Variants in ZNF655 observed in about 807,000 individuals in gnomAD.
ZNF655 encodes the protein zinc finger protein 655.
Under a neutral mutation model 6.6 loss-of-function variants are expected in ZNF655, and 3 were observed. That is an observed-to-expected ratio of 0.46 (90% CI 0.21 to 1.18). The LOEUF (loss-of-function observed/expected upper bound fraction) is 1.18. Ranked by LOEUF, ZNF655 falls within the 50% of genes most tolerant of loss-of-function variation. ZNF655 has a pLI of 0.24. For missense variants in ZNF655, 526 were observed against 572.3 expected, an observed-to-expected ratio of 0.92 and a Z score of 0.83; for synonymous variants, 178 against 195.0, an observed-to-expected ratio of 0.91 and a Z score of 0.73.
chr7:99,563,933 G>A (rs1291453651), intron 2 of ZNF655: 3 of 1,613,608 alleles, frequency 1.9e-6, no homozygotes, highest in Non-Finnish European at 2.5e-6. Context: ...GTCATACCCA[G>A]GCAAGTGCTT....
intron 2 of ZNF655, chr7:99,563,899 G>C: frequency 6.2e-7 from 1 of 1,613,100 alleles, no homozygotes; most frequent in Non-Finnish European, 8.5e-7. Context: ...CGGATTCATA[G>C]TGTGAATTCC....
chr7:99,560,912 C>T (rs565945165), intron 2 of ZNF655: 8 of 424,160 alleles, frequency 1.9e-5, no homozygotes, highest in South Asian at 1.2e-4. Flanking sequence ...AGAGTGATGG[C>T]TGCTTACTCG....
intron 2 of ZNF655, chr7:99,571,275 A>G: frequency 7.8e-7 from 1 of 1,289,546 alleles, no homozygotes; most frequent in African/African-American, 1.5e-5. Flanking sequence ...CTAACCATGC[A>G]GCAGGTGCTT....
At position 99,572,319 on chromosome 7, in the gene ZNF655, G is replaced by A; in HGVS notation, c.211G>A (p.Val71Met). 1.2e-6 allele frequency: 2 copies of A among 1,613,432 alleles called. No homozygotes were observed. The highest frequency in any genetic ancestry group is 1.7e-6 in the Non-Finnish European group (2 of 1,179,904). The change falls in exon 3 of 3, where the codon GTG (valine) becomes ATG (methionine). Residue 71 changes from valine to methionine, a missense_variant. Transcript: ENST00000252713. ...KISEEVHSYK[V>M]RVGRLKHDIT... ...TTCGGAAGAAGTGCATTCATACAAA[G>A]TGAGAGTAGGAAGACTCAAACACGA... is the stretch of plus-strand genomic sequence containing the variant.
chr7:99,564,845 C>T (rs1167527771), intron 2 of ZNF655: 3 of 324,620 alleles, frequency 9.2e-6, no homozygotes, highest in Non-Finnish European at 1.3e-5. Flanking sequence ...CATGCATACA[C>T]ACTTTTACAC....
chr7:99,564,839 C>A, intron 2 of ZNF655: 1 of 374,462 alleles, frequency 2.7e-6, no homozygotes, highest in Non-Finnish European at 3.7e-6. Flanking sequence ...AGTCGACATG[C>A]ATACACACTT....
At chr7:99,559,895 T>G (rs2151141517) in intron 1 of ZNF655, among the ~76,000 whole-genome samples, 1 of 151,700 alleles carries the variant, frequency 6.6e-6, no homozygotes, top group Non-Finnish European at 1.5e-5. Flanking sequence ...CCCAAACTGT[T>G]GGGATTACAG....
intron 2 of ZNF655, chr7:99,571,821 G>A (rs549790526): frequency 1.7e-5 from 25 of 1,492,772 alleles, no homozygotes; most frequent in East Asian, 2.3e-5. Flanking sequence ...GATAGAATTA[G>A]TAGGGAAGTA....
At position 99,573,646 on chromosome 7, in the gene ZNF655, C is replaced by T; in HGVS notation, c.*62C>T. 1 of 1,540,502 alleles carries T rather than the reference C, an allele frequency of 6.5e-7. No homozygotes were observed. The highest frequency in any genetic ancestry group is 1.2e-5 in the South Asian group (1 of 80,368). On this transcript the variant is annotated 3_prime_UTR_variant, in exon 3 of 3. Coordinates refer to ENST00000252713, the MANE Select transcript of ZNF655 (RefSeq NM_138494.3). The stretch of plus-strand genomic sequence containing the variant: ...GCTTCATTCAGCATCTGAGAGTTCA[C>T]ACCAGGGAGAAATCATGTATGTACT...
chr7:99,568,593 A>T (rs186703886), intron 2 of ZNF655, among the ~76,000 whole-genome samples: 1 of 151,870 alleles, frequency 6.6e-6, no homozygotes, highest in East Asian at 2.0e-4. Flanking sequence ...TTCCTTGATA[A>T]TAAATCATCT....
intron 2 of ZNF655, among the ~76,000 whole-genome samples, chr7:99,567,457 C>G (rs1343674304): frequency 6.6e-6 from 1 of 151,096 alleles, no homozygotes; most frequent in Non-Finnish European, 1.5e-5. Context: ...CACTTGAACC[C>G]AGGAGGTGGA....
chr7:99,563,802 A>T, intron 2 of ZNF655: 1 of 1,564,418 alleles, frequency 6.4e-7, no homozygotes, highest in East Asian at 2.3e-5. Flanking sequence ...GTGGGGAGGC[A>T]GGCTGCCCAC....
intron 1 of ZNF655, 95 bp from the exon 2 acceptor site, chr7:99,560,438 C>G: frequency 8.2e-7 from 1 of 1,223,638 alleles, no homozygotes; most frequent in Non-Finnish European, 1.1e-6. Context: ...TATTGAATAT[C>G]CATAGTGTGT....
chr7:99,560,379 C>G, intron 1 of ZNF655, 154 bp from the exon 2 acceptor site: 1 of 705,780 alleles, frequency 1.4e-6, no homozygotes, highest in Non-Finnish European at 2.1e-6. Flanking sequence ...CGCCTGGCCC[C>G]ATTTTTCTGT....
At chr7:99,565,030 T>A (rs1484077992) in intron 2 of ZNF655, among the ~76,000 whole-genome samples, 1 of 152,244 alleles carries the variant, frequency 6.6e-6, no homozygotes, top group African/African-American at 2.4e-5. Flanking sequence ...GTTCCATTAT[T>A]GGAACACTAA....
intron 2 of ZNF655, among the ~76,000 whole-genome samples, chr7:99,568,760 T>C (rs1455303717): frequency 1.3e-5 from 2 of 151,176 alleles, no homozygotes; most frequent in Non-Finnish European, 3.0e-5. Context: ...GCCTGGTCCA[T>C]AGATCCTCTT....
Position 99,572,809 on chromosome 7 carries a change from A to G in ZNF655, c.701A>G (p.His234Arg). Residue 234 changes from histidine to arginine, a missense_variant, in exon 3 of 3, where the codon CAT (histidine) becomes CGT (arginine). Physicochemically the swap from His to Arg is conservative, Grantham distance 29. Coordinates refer to ENST00000252713, the MANE Select transcript of ZNF655 (RefSeq NM_138494.3). ...GCCCTTACTAGACATCAGAGAATCC[A>G]TACTAGAGAGAAGCCCTACAAATGT... ...SSALTRHQRI[H>R]TREKPYKCKE... is the part of the protein sequence containing the mutation. The G allele has an allele frequency of 6.2e-7, 1 of 1,613,902 alleles. No individual in the cohort carries two copies. Among genetic ancestry groups the G allele is most frequent in the Non-Finnish European group, 8.5e-7 (1 of 1,179,958 alleles).
Position 99,572,335 on chromosome 7 carries a change from T to G in ZNF655, c.227T>G (p.Leu76Arg), listed in dbSNP as rs1286721160. 1 of 1,613,430 alleles carries G rather than the reference T, an allele frequency of 6.2e-7. No individual in the cohort carries two copies. Among genetic ancestry groups the G allele is most frequent in the East Asian group, 2.2e-5 (1 of 44,858 alleles). Residue 76 changes from leucine to arginine, a missense_variant, in exon 3 of 3, where the codon CTC (leucine) becomes CGC (arginine). By Grantham distance (102) the Leu-to-Arg change is moderately radical (BLOSUM62 -2). Coordinates refer to ENST00000252713, the MANE Select transcript of ZNF655 (RefSeq NM_138494.3). ...TCATACAAAGTGAGAGTAGGAAGAC[T>G]CAAACACGATATTACCCAAGTTCCT... ...VHSYKVRVGRLKHDITQVPET... is the reference protein window; with the variant it reads ...VHSYKVRVGRRKHDITQVPET...
At chr7:99,570,333 A>G (rs747892882) in intron 2 of ZNF655, 2 of 152,232 alleles carry the variant, frequency 1.3e-5, no homozygotes, top group Non-Finnish European at 2.9e-5. Context: ...CCTTAATTAA[A>G]TATATGTCCA....
Sources: gnomAD v4.1 joint callset for allele counts (sites outside exome capture counted in the v4.1 genomes callset) on GRCh38, gnomAD v4.1.1 for gene constraint, MANE v1.5 for transcripts, NCBI Gene and HGNC (gene_info 2026-07-23, HGNC 2026-07-21) for gene names.